Variants in CALN1 observed in about 807,000 individuals in gnomAD.
CALN1 encodes calcium-binding protein 8.
Under a neutral mutation model 30.6 loss-of-function variants are expected in CALN1, and 17 were observed. The ratio of observed to expected loss-of-function variants is 0.56; its 90% confidence interval spans 0.38 to 0.83. The LOEUF (loss-of-function observed/expected upper bound fraction) is 0.83. CALN1 is among the 40% of genes least tolerant of loss of function. CALN1 has a pLI of 0.00. For synonymous variants in CALN1, 156 were observed against 131.4 expected (o/e 1.19, Z -1.28); for missense variants, 291 against 354.9 (o/e 0.82, Z 1.45).
intron 1 of CALN1, among the ~76,000 whole-genome samples, chr7:72,425,432 G>A (rs186173471): frequency 1.3e-5 from 2 of 152,252 alleles, no homozygotes; most frequent in African/African-American, 2.4e-5. Context: ...AGTTACTACC[G>A]GGGGCCCTCC....
At chr7:72,397,219 A>AT (rs1038961731) in intron 2 of CALN1, among the ~76,000 whole-genome samples, 1 of 152,118 alleles carries the variant, frequency 6.6e-6, no homozygotes, top group Non-Finnish European at 1.5e-5. Context: ...CCCATGTAGG[A>AT]TTTTACCCCG....
upstream of CALN1, among the ~76,000 whole-genome samples, chr7:72,448,860 CT>C (rs761966562): frequency 6.6e-6 from 1 of 152,220 alleles, no homozygotes; most frequent in Non-Finnish European, 1.5e-5. Flanking sequence ...CCCCCTCGGC[CT>C]CCCAAAGTGC....
rs1285537281 is a variant in CALN1, at chr7:71,835,963, A to G, written c.502-25471T>C. Among the ~76,000 whole-genome samples the G allele has an allele frequency of 2.6e-5, 4 of 152,246 alleles. No homozygotes were observed. In the East Asian group the frequency reaches 5.8e-4, roughly 22 times the overall value. On this transcript the variant is annotated intron_variant, in intron 5 of 6. Coordinates refer to ENST00000395275, the MANE Select transcript of CALN1 (RefSeq NM_031468.4). The stretch of plus-strand genomic sequence containing the variant: ...GTATATTCCTGCCTGTTGGTGTTAG[A>G]CTCGGCTAGGTGACTTGCTTTGGGC...
At chr7:72,391,565 C>T (rs1204448199) in intron 2 of CALN1, among the ~76,000 whole-genome samples, 1 of 152,160 alleles carries the variant, frequency 6.6e-6, no homozygotes, top group Non-Finnish European at 1.5e-5. Flanking sequence ...TTGTAGCTCC[C>T]ATAATTCCCA....
intron 3 of CALN1, among the ~76,000 whole-genome samples, chr7:72,166,560 T>A (rs1223033829): frequency 6.6e-6 from 1 of 152,240 alleles, no homozygotes; most frequent in Non-Finnish European, 1.5e-5. Context: ...TTCTATTACT[T>A]GCTACAAAAT....
At chr7:72,081,716 G>T (rs1805159793) in intron 4 of CALN1, among the ~76,000 whole-genome samples, 1 of 151,820 alleles carries the variant, frequency 6.6e-6, no homozygotes, top group Admixed American at 6.6e-5. Flanking sequence ...GCCCTGCTAA[G>T]AAACCTACTG....
chr7:72,160,263 CTATT>C (rs1788004285), intron 3 of CALN1, among the ~76,000 whole-genome samples: 1 of 145,706 alleles, frequency 6.9e-6, no homozygotes, highest in African/African-American at 2.6e-5. Context: ...TTAAAGAACA[CTATT>C]TATTTTCTTT....
chr7:71,800,897 C>A (rs1227188042), intron 6 of CALN1, among the ~76,000 whole-genome samples: 3 of 152,132 alleles, frequency 2.0e-5, no homozygotes, highest in Non-Finnish European at 4.4e-5. Context: ...TGGTTTGCTG[C>A]ACCTATCAAC....
intron 5 of CALN1, among the ~76,000 whole-genome samples, chr7:71,940,023 TCC>T (rs1562920980): frequency 1.3e-5 from 2 of 151,920 alleles, no homozygotes; most frequent in Non-Finnish European, 2.9e-5. Context: ...AAAAACTGTG[TCC>T]CCTCCTAAAC....
At chr7:72,480,240 A>T in the CALN1 span, among the ~76,000 whole-genome samples, 1 of 152,322 alleles carries the variant, frequency 6.6e-6, no homozygotes, top group East Asian at 1.9e-4. Flanking sequence ...GTTTTCCGAG[A>T]GTACTTGTCA....
intron 2 of CALN1, among the ~76,000 whole-genome samples, chr7:72,380,690 G>T (rs76525348): frequency 0.035 from 5,336 of 150,622 alleles, 336 homozygotes; most frequent in African/African-American, 0.12. Context: ...TGGATGGATG[G>T]ATACATACAT....
chr7:72,304,971 G>A (rs1018170487), intron 2 of CALN1, among the ~76,000 whole-genome samples: 26 of 152,220 alleles, frequency 1.7e-4, no homozygotes, highest in African/African-American at 6.3e-4. Context: ...CCACGTGGGA[G>A]TAAGGCCCCA....
chr7:72,271,662 AAGG>A (rs1797003913), intron 3 of CALN1, among the ~76,000 whole-genome samples: 1 of 148,122 alleles, frequency 6.8e-6, no homozygotes, highest in African/African-American at 2.5e-5. Flanking sequence ...AGAAAAGAGG[AAGG>A]AGGAGATCTA....
the CALN1 span, among the ~76,000 whole-genome samples, chr7:72,499,805 CCTTCCTTCCTTCCT>C: frequency 1.8e-5 from 1 of 56,528 alleles, no homozygotes; most frequent in African/African-American, 1.0e-4. Context: ...TTCCTTCCTT[CCTTCCTTCCTTCCT>C]TCCTTCCTTC....
intron 2 of CALN1, among the ~76,000 whole-genome samples, chr7:72,369,479 A>G (rs1017116656): frequency 2.0e-5 from 3 of 151,722 alleles, no homozygotes; most frequent in Non-Finnish European, 4.4e-5. Context: ...CTCCTGCCTC[A>G]GCCTCCCGAG....
chr7:71,812,648 C>A (rs562799240), intron 5 of CALN1, among the ~76,000 whole-genome samples: 1 of 152,108 alleles, frequency 6.6e-6, no homozygotes, highest in Non-Finnish European at 1.5e-5. Context: ...AAATTCCTGG[C>A]GTTGCAGCAT....
intron 4 of CALN1, among the ~76,000 whole-genome samples, chr7:72,055,355 C>A (rs889149364): frequency 6.6e-6 from 1 of 151,812 alleles, no homozygotes; most frequent in African/African-American, 2.4e-5. Flanking sequence ...AAAAGTAACC[C>A]CAATGCAAAT....
chr7:71,865,980 C>A (rs188532296), intron 5 of CALN1, among the ~76,000 whole-genome samples: 78 of 151,658 alleles, frequency 5.1e-4, no homozygotes, highest in African/African-American at 1.8e-3. Flanking sequence ...CTGAGAAATG[C>A]AAAAATTGTT....
At chr7:72,222,029 C>G (rs1364001068) in intron 3 of CALN1, among the ~76,000 whole-genome samples, 1 of 152,006 alleles carries the variant, frequency 6.6e-6, no homozygotes, top group Non-Finnish European at 1.5e-5. Flanking sequence ...TGTTTGAGAC[C>G]AGCCTGGCCA....
Sources: gnomAD v4.1 joint callset for allele counts (sites outside exome capture counted in the v4.1 genomes callset) on GRCh38, gnomAD v4.1.1 for gene constraint, MANE v1.5 for transcripts, NCBI Gene and HGNC (gene_info 2026-07-23, HGNC 2026-07-21) for gene names.